EPB41L4A: variants seen among roughly 807,000 people sequenced by gnomAD.
EPB41L4A encodes the protein band 4.1-like protein 4A.
In EPB41L4A, 100 loss-of-function variants were observed where a neutral mutation model predicts 108.6. The ratio of observed to expected loss-of-function variants is 0.92; its 90% confidence interval spans 0.78 to 1.09. The LOEUF is 1.09. Ranked by LOEUF, EPB41L4A falls within the 50% of genes least tolerant of loss-of-function variation. The probability of loss-of-function intolerance (pLI) is 0.00; values close to 1 mark genes in which losing one functional copy is unlikely to be tolerated. For missense variants in EPB41L4A, 1,030 were observed against 842.7 expected, an observed-to-expected ratio of 1.22 and a Z score of -2.75; for synonymous variants, 319 against 289.0, an observed-to-expected ratio of 1.10 and a Z score of -1.05.
At chr5:112,345,937 T>C (rs1757633558) in intron 1 of EPB41L4A, among the ~76,000 whole-genome samples, 1 of 152,104 alleles carries the variant, frequency 6.6e-6, no homozygotes, top group Non-Finnish European at 1.5e-5. Flanking sequence ...GTAGTTTTGA[T>C]ATTTTTTAAT....
At chr5:112,345,878 A>G (rs891685427) in intron 1 of EPB41L4A, among the ~76,000 whole-genome samples, 7 of 151,850 alleles carry the variant, frequency 4.6e-5, no homozygotes, top group Non-Finnish European at 8.8e-5. Flanking sequence ...TTATACTACT[A>G]CATTTTCCAA....
chr5:112,207,421 A>G (rs1022617665), intron 13 of EPB41L4A, among the ~76,000 whole-genome samples: 2 of 152,158 alleles, frequency 1.3e-5, no homozygotes, highest in Admixed American at 6.5e-5. Context: ...AAAACCAAAA[A>G]TTGACAAGTG....
intron 1 of EPB41L4A, among the ~76,000 whole-genome samples, chr5:112,397,607 C>T (rs1308836001): frequency 1.3e-5 from 2 of 152,048 alleles, no homozygotes; most frequent in Non-Finnish European, 2.9e-5. Context: ...AATACTCAAC[C>T]TCAACAGTAA....
intron 1 of EPB41L4A, among the ~76,000 whole-genome samples, chr5:112,308,467 G>C (rs1384143080): frequency 6.6e-6 from 1 of 152,130 alleles, no homozygotes; most frequent in Non-Finnish European, 1.5e-5. Context: ...GGCAATATGA[G>C]GTTATAAAAG....
chr5:112,241,833 T>C (rs1749804254), intron 9 of EPB41L4A, among the ~76,000 whole-genome samples: 1 of 152,316 alleles, frequency 6.6e-6, no homozygotes, highest in Non-Finnish European at 1.5e-5. Context: ...AAAGTGAATA[T>C]TGCAATAAAG....
At chr5:112,221,630 G>A (rs1748055183) in intron 12 of EPB41L4A, among the ~76,000 whole-genome samples, 1 of 152,146 alleles carries the variant, frequency 6.6e-6, no homozygotes, top group South Asian at 2.1e-4. Context: ...ATATGACTTA[G>A]TTCCTACAGA....
chr5:112,226,083 G>A (rs1207580131), intron 12 of EPB41L4A, among the ~76,000 whole-genome samples: 1 of 152,160 alleles, frequency 6.6e-6, no homozygotes, highest in African/African-American at 2.4e-5. Context: ...TGGGACTATG[G>A]AATCAGATTG....
At chr5:112,383,479 G>T (rs1365278199) in intron 1 of EPB41L4A, among the ~76,000 whole-genome samples, 1 of 152,160 alleles carries the variant, frequency 6.6e-6, no homozygotes, top group Non-Finnish European at 1.5e-5. Flanking sequence ...GTTGTTGGAT[G>T]CAAAAGCTAA....
At chr5:112,370,726 C>A (rs946473266) in intron 1 of EPB41L4A, among the ~76,000 whole-genome samples, 1 of 152,140 alleles carries the variant, frequency 6.6e-6, no homozygotes, top group African/African-American at 2.4e-5. Flanking sequence ...GCCAACCTGG[C>A]CAACACGGCA....
At chr5:112,210,010 AAG>A in intron 12 of EPB41L4A, 28 bp from the exon 13 acceptor site, 1 of 1,308,974 alleles carries the variant, frequency 7.6e-7, no homozygotes. Flanking sequence ...GGAAAGATGG[AAG>A]AGAGAGGAAA....
chr5:112,307,218 G>A (rs1461594327), intron 2 of EPB41L4A, among the ~76,000 whole-genome samples, 168 bp downstream of exon 2: 1 of 152,118 alleles, frequency 6.6e-6, no homozygotes, highest in East Asian at 1.9e-4. Flanking sequence ...CAGACTTTTG[G>A]CAGAAGAGGA....
intron 9 of EPB41L4A, among the ~76,000 whole-genome samples, chr5:112,253,223 C>G (rs1019053203): frequency 1.3e-5 from 2 of 152,098 alleles, no homozygotes; most frequent in Middle Eastern, 3.2e-3. Context: ...TGACAGCCAA[C>G]GAGGGACAGG....
At chr5:112,149,594 C>A (rs569606455) in intron 12 of EPB41L4A, among the ~76,000 whole-genome samples, 2 of 152,190 alleles carry the variant, frequency 1.3e-5, no homozygotes, top group African/African-American at 4.8e-5. Context: ...TTCTAATGTT[C>A]TTAAACTGGA....
intron 1 of EPB41L4A, among the ~76,000 whole-genome samples, chr5:112,343,523 TTAGC>T (rs1421866847): frequency 6.6e-6 from 1 of 152,092 alleles, no homozygotes; most frequent in African/African-American, 2.4e-5. Context: ...GTACTCAAGT[TTAGC>T]TATGCTGTTG....
intron 1 of EPB41L4A, among the ~76,000 whole-genome samples, chr5:112,406,179 C>G (rs1762059464): frequency 6.6e-6 from 1 of 152,180 alleles, no homozygotes; most frequent in Non-Finnish European, 1.5e-5. Context: ...AGCAGAAGCA[C>G]AAAATAATCA....
intron 2 of EPB41L4A, 45 bp from the exon 3 acceptor site, chr5:112,280,368 C>A: frequency 6.4e-7 from 1 of 1,556,158 alleles, no homozygotes; most frequent in Non-Finnish European, 8.9e-7. Flanking sequence ...AGTTGCTTTT[C>A]ATTAGCTTTT....
intron 18 of EPB41L4A, among the ~76,000 whole-genome samples, chr5:112,171,498 T>G (rs139764364): frequency 6.0e-4 from 91 of 152,340 alleles, no homozygotes; most frequent in Non-Finnish European, 1.2e-3. Flanking sequence ...GTGTTGCATT[T>G]CTGCAACAAA....
intron 1 of EPB41L4A, among the ~76,000 whole-genome samples, chr5:112,415,806 C>T (rs1183773712): frequency 6.6e-6 from 1 of 152,112 alleles, no homozygotes; most frequent in Admixed American, 6.5e-5. Context: ...CAATAGCTCT[C>T]AGCTTATGTA....
At chr5:112,331,847 C>G (rs1186713454) in intron 1 of EPB41L4A, among the ~76,000 whole-genome samples, 1 of 152,218 alleles carries the variant, frequency 6.6e-6, no homozygotes, top group Non-Finnish European at 1.5e-5. Flanking sequence ...CCATGGCCCC[C>G]ACAAGGTGCC....
Sources: gnomAD v4.1 joint callset for allele counts (sites outside exome capture counted in the v4.1 genomes callset) on GRCh38, gnomAD v4.1.1 for gene constraint, MANE v1.5 for transcripts, NCBI Gene and HGNC (gene_info 2026-07-23, HGNC 2026-07-21) for gene names.